MTAP: variants seen among roughly 807,000 people sequenced by gnomAD.
MTAP encodes methylthioadenosine phosphorylase.
A neutral mutation model predicts 33.6 loss-of-function variants in MTAP; 33 were observed. That is an observed-to-expected ratio of 0.98 (90% CI 0.74 to 1.31). MTAP has a LOEUF of 1.31. MTAP is among the 40% of genes most tolerant of loss of function. The pLI is 0.00. For missense variants in MTAP, 367 were observed against 360.0 expected (o/e 1.02, Z -0.16); for synonymous variants, 148 against 125.7 (o/e 1.18, Z -1.19).
At chr9:21,916,559 G>A (rs548642539) in intron 1 of MTAP, among the ~76,000 whole-genome samples, 8 of 152,132 alleles carry the variant, frequency 5.3e-5, no homozygotes, top group East Asian at 3.9e-4. Flanking sequence ...GCAGTGAGCC[G>A]AGATCATGCC....
chr9:21,924,504 T>C (rs1303647036), intron 1 of MTAP, among the ~76,000 whole-genome samples: 1 of 152,150 alleles, frequency 6.6e-6, no homozygotes, highest in Non-Finnish European at 1.5e-5. Context: ...TAGACAGAAA[T>C]CCCCTATGTA....
intron 1 of MTAP, among the ~76,000 whole-genome samples, chr9:21,910,414 A>T (rs1273048169): frequency 1.3e-5 from 2 of 152,222 alleles, no homozygotes; most frequent in Non-Finnish European, 1.5e-5. Flanking sequence ...GAAGCAAGCA[A>T]CATTAAATGG....
chr9:21,898,194 C>T (rs1379621405), intron 1 of MTAP, among the ~76,000 whole-genome samples: 1 of 152,042 alleles, frequency 6.6e-6, no homozygotes, highest in Non-Finnish European at 1.5e-5. Flanking sequence ...GAAAGCTGAA[C>T]CTGGATCCCT....
intron 4 of MTAP, among the ~76,000 whole-genome samples, chr9:21,824,479 G>T (rs1489208559): frequency 6.6e-6 from 1 of 152,166 alleles, no homozygotes; most frequent in Non-Finnish European, 1.5e-5. Context: ...TCTCAGAGGG[G>T]TACCCAGCCG....
chr9:21,818,372 G>A (rs1044686140), intron 4 of MTAP, among the ~76,000 whole-genome samples, 170 bp downstream of exon 4: 45 of 135,706 alleles, frequency 3.3e-4, no homozygotes, highest in African/African-American at 1.2e-3. Flanking sequence ...CTGTCTCCCA[G>A]GCTGGAGTGC....
In MTAP at chr9:21,826,690, A is replaced by C. The variant is rs183673601; in HGVS notation, c.347+8488A>C. 1.8e-3 allele frequency among the ~76,000 whole-genome samples: 272 copies of C among 151,482 alleles called. 1 individual carries two copies. Among genetic ancestry groups the C allele is most frequent in the African/African-American group, 5.8e-3 (240 of 41,368 alleles). ...ATATATATTGTTCCTTTACCCCCCC[A>C]AAAAAACAACAATAATAGACTGCCA... On this transcript the variant is annotated intron_variant, in intron 4 of 7. Transcript: ENST00000644715.
chr9:21,912,573 A>T (rs555719410), intron 1 of MTAP, among the ~76,000 whole-genome samples: 1 of 152,186 alleles, frequency 6.6e-6, no homozygotes, highest in African/African-American at 2.4e-5. Flanking sequence ...CCTTCGATAA[A>T]ATTGAACAGC....
intron 1 of MTAP, among the ~76,000 whole-genome samples, chr9:21,897,247 A>G (rs1357335786): frequency 5.3e-5 from 8 of 152,218 alleles, no homozygotes; most frequent in Non-Finnish European, 1.2e-4. Context: ...GATAAGAGCT[A>G]TTTATGACAA....
chr9:21,859,180 A>T, intron 6 of MTAP, 123 bp from the exon 7 acceptor site: 1 of 1,400,784 alleles, frequency 7.1e-7, no homozygotes, highest in South Asian at 1.5e-5. Context: ...ATTCGGTTTC[A>T]GCAGATAAAT....
At chr9:21,892,249 A>T (rs1002853916) in intron 1 of MTAP, 1 of 152,184 alleles carries the variant, frequency 6.6e-6, no homozygotes, top group Admixed American at 6.5e-5. Flanking sequence ...ATACAATGAC[A>T]GGAACAAATC....
At chr9:21,905,803 T>C (rs1185282744) in intron 1 of MTAP, among the ~76,000 whole-genome samples, 2 of 152,182 alleles carry the variant, frequency 1.3e-5, no homozygotes, top group African/African-American at 4.8e-5. Context: ...TTGAAATCCC[T>C]ACACAGAACC....
chr9:21,896,050 T>C (rs1195842635), intron 1 of MTAP, among the ~76,000 whole-genome samples: 1 of 152,190 alleles, frequency 6.6e-6, no homozygotes, highest in Admixed American at 6.5e-5. Context: ...ACAGAAATTA[T>C]AACAAACTGT....
At chr9:21,924,254 A>G (rs1394178194) in intron 1 of MTAP, among the ~76,000 whole-genome samples, 7 of 152,156 alleles carry the variant, frequency 4.6e-5, no homozygotes, top group Admixed American at 6.5e-5. Flanking sequence ...CCTTTGTTGT[A>G]TCTTCACAGA....
chr9:21,905,059 A>C (rs1001833147), intron 1 of MTAP, among the ~76,000 whole-genome samples: 3 of 152,170 alleles, frequency 2.0e-5, no homozygotes, highest in African/African-American at 7.2e-5. Context: ...CGTGTGTTAC[A>C]GTGTGCTCTT....
Position 21,838,012 on chromosome 9 carries a change from T to C in MTAP, c.450+2T>C. On this transcript the variant is annotated splice_donor_variant, in intron 5 of 7. Coordinates refer to ENST00000644715, the MANE Select transcript of MTAP (RefSeq NM_002451.4). LOFTEE classifies it high-confidence loss of function. ...CCGTTTTGCCCCAAAACGAGAGAGG[T>C]GTGTAGTCTTTCTGGAAGGTGTACC... The C allele has an allele frequency of 6.2e-7, 1 of 1,611,516 alleles. No homozygotes were observed. Among genetic ancestry groups the C allele is most frequent in the Non-Finnish European group, 8.5e-7 (1 of 1,178,026 alleles).
chr9:21,895,664 C>T (rs1427186765), intron 1 of MTAP, among the ~76,000 whole-genome samples: 1 of 152,222 alleles, frequency 6.6e-6, no homozygotes, highest in Non-Finnish European at 1.5e-5. Context: ...GAGGTTATAT[C>T]CCATGCCTAG....
downstream of MTAP, among the ~76,000 whole-genome samples, chr9:21,939,292 G>A (rs759331593): frequency 6.6e-6 from 1 of 152,164 alleles, no homozygotes; most frequent in Non-Finnish European, 1.5e-5. Flanking sequence ...ACGGACTAAT[G>A]CACATGGGAT....
chr9:21,871,969 A>T (rs1011178908), downstream of MTAP, among the ~76,000 whole-genome samples: 3 of 152,166 alleles, frequency 2.0e-5, no homozygotes, highest in African/African-American at 7.2e-5. Context: ...TTCCTGAGGT[A>T]ATTCAGTAAA....
chr9:21,912,936 C>T (rs1455055979), intron 1 of MTAP, among the ~76,000 whole-genome samples: 1 of 152,184 alleles, frequency 6.6e-6, no homozygotes, highest in Non-Finnish European at 1.5e-5. Context: ...TCAGCAAAGT[C>T]TCAGGATACA....
Sources: allele counts gnomAD v4.1 joint callset (sites outside exome capture counted in the v4.1 genomes callset), GRCh38; gene constraint gnomAD v4.1.1; transcripts MANE v1.5; gene names NCBI Gene and HGNC (gene_info 2026-07-23, HGNC 2026-07-21).